The following KCNH5 variants were observed in gnomAD, a reference collection of about 807,000 sequenced individuals.
KCNH5 encodes potassium voltage-gated channel subfamily H member 5.
KCNH5 carries 46 observed loss-of-function variants against 96.1 expected under a neutral mutation model. That is an observed-to-expected ratio of 0.48 (90% CI 0.38 to 0.61). The LOEUF is 0.61. Among genes scored for constraint, KCNH5 ranks in the 20% least tolerant of loss-of-function variants. KCNH5 has a pLI of 0.00. For synonymous variants in KCNH5, 439 were observed against 449.8 expected (o/e 0.98, Z 0.30); for missense variants, 907 against 1,225.8 (o/e 0.74, Z 3.88).
intron 9 of KCNH5, among the ~76,000 whole-genome samples, chr14:62,801,555 T>G (rs1281574804): frequency 7.5e-6 from 1 of 133,982 alleles, no homozygotes; most frequent in Admixed American, 8.7e-5. Context: ...TCCCCAAACA[T>G]GCAACATTTT....
intron 7 of KCNH5, among the ~76,000 whole-genome samples, chr14:62,926,998 T>C (rs8018884): frequency 0.71 from 107,695 of 151,924 alleles, 39,027 homozygotes; most frequent in East Asian, 0.99. Flanking sequence ...TGCTGAGAGA[T>C]GATATAAACC....
At chr14:63,018,425 A>G (rs935221088) in intron 1 of KCNH5, among the ~76,000 whole-genome samples, 4 of 152,026 alleles carry the variant, frequency 2.6e-5, no homozygotes, top group South Asian at 2.1e-4. Flanking sequence ...GGGTGAGACA[A>G]TAAGGAATCC....
rs1362509538 is a variant in KCNH5 at position 62,754,479 on chromosome 14, G to T, written c.2019+25249C>A. ...AAGGGATGATTAAAAAAAAAAACAAGATCCAATGATCTGTTGCCTATAAGA... is the reference window on the plus strand; with the variant it reads ...AAGGGATGATTAAAAAAAAAAACAATATCCAATGATCTGTTGCCTATAAGA... On this transcript the variant is annotated intron_variant, in intron 10 of 10. Transcript: ENST00000322893. Among the ~76,000 whole-genome samples, 7 of 151,018 alleles carry T rather than the reference G, an allele frequency of 4.6e-5. 1 individual carries two copies. The highest frequency in any genetic ancestry group is 6.4e-3 in the Middle Eastern group (2 of 314).
At chr14:63,002,138 C>G (rs1338851597) in intron 3 of KCNH5, among the ~76,000 whole-genome samples, 1 of 152,106 alleles carries the variant, frequency 6.6e-6, no homozygotes, top group Non-Finnish European at 1.5e-5. Flanking sequence ...TTGAGATCCC[C>G]AGGCATCTTT....
intron 7 of KCNH5, among the ~76,000 whole-genome samples, chr14:62,923,081 C>T (rs1889409463): frequency 6.6e-6 from 1 of 151,790 alleles, no homozygotes; most frequent in South Asian, 2.1e-4. Context: ...ATCATAAAGA[C>T]TTCATGACAA....
intron 10 of KCNH5, among the ~76,000 whole-genome samples, chr14:62,758,915 T>C (rs1357181152): frequency 1.3e-5 from 2 of 152,180 alleles, no homozygotes; most frequent in East Asian, 3.9e-4. Flanking sequence ...TCAGTTTATT[T>C]TATATGCTAG....
At position 62,998,585 on chromosome 14, in the gene KCNH5, C is replaced by T. The variant is rs113799455; in HGVS notation, c.433+2746G>A. 4.1e-3 allele frequency among the ~76,000 whole-genome samples: 621 copies of T among 152,218 alleles called. 5 individuals carry two copies. Among genetic ancestry groups the T allele is most frequent in the African/African-American group, 0.014 (586 of 41,542 alleles). On this transcript the variant is annotated intron_variant, in intron 4 of 10. Coordinates refer to ENST00000322893, the MANE Select transcript of KCNH5 (RefSeq NM_139318.5). ...TGTCTTTCTTCTTTTCTAATATATG[C>T]ATTTAATGTTACATATTTCCCTCTA...
At chr14:62,981,800 T>A (rs1455782477) in intron 5 of KCNH5, among the ~76,000 whole-genome samples, 1 of 152,142 alleles carries the variant, frequency 6.6e-6, no homozygotes, top group Admixed American at 6.5e-5. Flanking sequence ...TTTCCCTTCC[T>A]CCCTTAGATC....
intron 7 of KCNH5, among the ~76,000 whole-genome samples, chr14:62,872,791 C>A (rs114486075): frequency 0.015 from 2,309 of 152,238 alleles, 57 homozygotes; most frequent in African/African-American, 0.053. Context: ...TAAGAACTTG[C>A]CTTCTACTAA....
At position 62,959,539 on chromosome 14, in the gene KCNH5, C is replaced by A. The variant is rs186723813; in HGVS notation, c.943-8980G>T. 9.8e-4 allele frequency among the ~76,000 whole-genome samples: 149 copies of A among 152,036 alleles called. 1 individual carries two copies. The Middle Eastern group carries it at 0.027, about 28-fold the overall frequency. The stretch of plus-strand genomic sequence containing the variant: ...AATGTGTCTCTTAATCTACACATTT[C>A]CCTCTCCTTTTTTTAATCTGTTGAA... On this transcript the variant is annotated intron_variant, in intron 6 of 10. Coordinates refer to ENST00000322893, the MANE Select transcript of KCNH5 (RefSeq NM_139318.5).
Position 62,701,504 on chromosome 14 carries a change from G to A in KCNH5, c.*6004C>T, listed in dbSNP as rs1433955770. 6.6e-6 allele frequency: 1 copy of A among 152,076 alleles called. No homozygotes were observed. The highest frequency in any genetic ancestry group is 1.5e-5 in the Non-Finnish European group (1 of 67,976). 9.4% of individuals were successfully genotyped at this position (152,076 alleles called of 1,614,324 possible). On this transcript the variant is annotated 3_prime_UTR_variant, in exon 11 of 11. Coordinates refer to ENST00000322893, the MANE Select transcript of KCNH5 (RefSeq NM_139318.5). ...ATGACCTCATTTAAATAATCATGCA[G>A]TGGTAATGTAAAAGCCAGGATGGAA...
chr14:62,849,877 T>C (rs759694445), intron 7 of KCNH5, 25 bp from the exon 8 acceptor site: 1 of 1,523,706 alleles, frequency 6.6e-7, no homozygotes, highest in Non-Finnish European at 9.1e-7. Flanking sequence ...ATGATAAAAA[T>C]AAAACAAATA....
chr14:63,014,862 C>T (rs1010102850), intron 2 of KCNH5, among the ~76,000 whole-genome samples: 1 of 152,064 alleles, frequency 6.6e-6, no homozygotes, highest in South Asian at 2.1e-4. Flanking sequence ...ATAAGAAATG[C>T]GAGTGTGAGT....
chr14:62,722,402 A>C (rs79537346), intron 10 of KCNH5, among the ~76,000 whole-genome samples: 1 of 152,196 alleles, frequency 6.6e-6, no homozygotes, highest in Non-Finnish European at 1.5e-5. Context: ...ATGAAAAAAA[A>C]CCTGAGGCTT....
intron 10 of KCNH5, among the ~76,000 whole-genome samples, chr14:62,774,029 T>C (rs533723695): frequency 6.6e-6 from 1 of 152,310 alleles, no homozygotes; most frequent in East Asian, 1.9e-4. Flanking sequence ...GACAATCCAC[T>C]AGGCAGATTC....
intron 8 of KCNH5, among the ~76,000 whole-genome samples, chr14:62,815,304 A>T (rs1395161103): frequency 6.6e-6 from 1 of 152,202 alleles, no homozygotes; most frequent in Non-Finnish European, 1.5e-5. Flanking sequence ...CCTGAAGAAG[A>T]CATGGGATAT....
chr14:62,783,431 T>C (rs1473008193), intron 9 of KCNH5, among the ~76,000 whole-genome samples: 2 of 152,250 alleles, frequency 1.3e-5, no homozygotes, highest in African/African-American at 4.8e-5. Flanking sequence ...CTTTTTATCC[T>C]CTTTCCATAC....
rs569326865 is a variant in KCNH5, at chr14:62,729,679, C to A, written c.2020-21224G>T. On this transcript the variant is annotated intron_variant, in intron 10 of 10. Transcript: ENST00000322893. ...TAAGATCCCCAAACTATTTCCTCTTCTTCCTTTGCACAATGCTAGATGACA... is the reference window on the plus strand; with the variant it reads ...TAAGATCCCCAAACTATTTCCTCTTATTCCTTTGCACAATGCTAGATGACA... Among the ~76,000 whole-genome samples, 7 of 152,332 alleles carry A rather than the reference C, an allele frequency of 4.6e-5. No homozygotes were observed. In the South Asian group the frequency reaches 1.5e-3, roughly 32 times the overall value.
intron 10 of KCNH5, among the ~76,000 whole-genome samples, chr14:62,733,727 C>A (rs948811887): frequency 6.6e-6 from 1 of 152,124 alleles, no homozygotes; most frequent in African/African-American, 2.4e-5. Context: ...GTGGAGATCA[C>A]CCCGCTGCAT....
Sources: gnomAD v4.1 joint callset for allele counts (sites outside exome capture counted in the v4.1 genomes callset) on GRCh38, gnomAD v4.1.1 for gene constraint, MANE v1.5 for transcripts, NCBI Gene and HGNC (gene_info 2026-07-23, HGNC 2026-07-21) for gene names.